The following SLC39A14 variants were observed in gnomAD, a reference collection of about 807,000 sequenced individuals.
SLC39A14 encodes the protein metal cation symporter ZIP14.
Under a neutral mutation model 45.5 loss-of-function variants are expected in SLC39A14, and 19 were observed. That is an observed-to-expected ratio of 0.42 (90% CI 0.29 to 0.61). The LOEUF is 0.61. Ranked by LOEUF, SLC39A14 falls within the 20% of genes least tolerant of loss-of-function variation. The probability of loss-of-function intolerance (pLI) is 0.22; values close to 1 mark genes in which losing one functional copy is unlikely to be tolerated. For synonymous variants in SLC39A14, 264 were observed against 251.3 expected, an observed-to-expected ratio of 1.05 and a Z score of -0.48; for missense variants, 447 against 616.5, an observed-to-expected ratio of 0.73 and a Z score of 2.91.
intron 1 of SLC39A14, among the ~76,000 whole-genome samples, chr8:22,391,458 G>A (rs1834066059): frequency 6.6e-6 from 1 of 152,200 alleles, no homozygotes; most frequent in African/African-American, 2.4e-5. Context: ...TTACTCTAGA[G>A]AAGTGCATAA....
chr8:22,382,354 C>T (rs1003978437), intron 1 of SLC39A14, among the ~76,000 whole-genome samples: 4 of 152,102 alleles, frequency 2.6e-5, no homozygotes, highest in African/African-American at 9.7e-5. Context: ...GGCACTCATA[C>T]ACAGGTAGTG....
At chr8:22,377,874 A>C (rs141543458) in intron 1 of SLC39A14, among the ~76,000 whole-genome samples, 1 of 152,200 alleles carries the variant, frequency 6.6e-6, no homozygotes, top group Non-Finnish European at 1.5e-5. Context: ...CTTGATCAGC[A>C]TCTTACCTGC....
At chr8:22,429,190 T>C (rs1836432273) in intron 8 of SLC39A14, among the ~76,000 whole-genome samples, 1 of 152,080 alleles carries the variant, frequency 6.6e-6, no homozygotes, top group Non-Finnish European at 1.5e-5. Context: ...GAGAATGGCA[T>C]GAACCCGGGA....
chr8:22,411,723 C>T (rs1038191377), intron 3 of SLC39A14, among the ~76,000 whole-genome samples: 6 of 152,180 alleles, frequency 3.9e-5, no homozygotes, highest in Non-Finnish European at 5.9e-5. Context: ...CTGGCAGGAA[C>T]GATTTGGGGC....
In SLC39A14 at chr8:22,408,394, C is replaced by A; in HGVS notation, c.355C>A (p.Pro119Thr). Residue 119 changes from proline (P) to threonine (T), a missense_variant, in exon 3 of 9, where the codon CCC (proline) becomes ACC (threonine). Pro to Thr is a conservative substitution (Grantham distance 38, BLOSUM62 -1). This residue lies in a region of SLC39A14 where 342 missense variants were observed against 428.1 expected (regional missense o/e 0.80). Transcript: ENST00000381237. ...IGSSELQEFC[P>T]TILQQLDSRA... is the part of the protein sequence containing the mutation. ...GAGCAGCGAGCTCCAGGAGTTCTGC[C>A]CCACCATCCTCCAGCAGCTGGATTC... 6.2e-7 allele frequency: 1 copy of A among 1,614,224 alleles called. No homozygotes were observed. The highest frequency in any genetic ancestry group is 8.5e-7 in the Non-Finnish European group (1 of 1,180,038).
chr8:22,425,680 G>A (rs1836372053), downstream of SLC39A14, among the ~76,000 whole-genome samples: 2 of 152,070 alleles, frequency 1.3e-5, no homozygotes, highest in Admixed American at 1.3e-4. Flanking sequence ...CTTGCCAGAT[G>A]TCTTTTCAGG....
intron 8 of SLC39A14, among the ~76,000 whole-genome samples, chr8:22,433,475 G>T (rs939552238): frequency 2.0e-5 from 3 of 151,236 alleles, no homozygotes; most frequent in African/African-American, 7.3e-5. Flanking sequence ...TCCTGCCTCA[G>T]CCTCCCAAGC....
At position 22,414,973 on chromosome 8, in the gene SLC39A14, G is replaced by T. The variant is rs186621764; in HGVS notation, c.750+71G>T. The T allele has an allele frequency of 3.9e-5, 59 of 1,503,238 alleles. No homozygotes were observed. The Middle Eastern group carries it at 6.8e-4, about 17-fold the overall frequency. The allele number at this position is 1,503,238 out of a possible 1,614,324, so 93.1% of individuals were successfully genotyped here. ...CCATCTCAAACAATGTTGATGTATTGTGGTGGTGGTGGTGATGGTCTTAGC... is the reference window on the plus strand; with the variant it reads ...CCATCTCAAACAATGTTGATGTATTTTGGTGGTGGTGGTGATGGTCTTAGC... On this transcript the variant is annotated intron_variant, in intron 5 of 8. Coordinates refer to ENST00000381237, the MANE Select transcript of SLC39A14 (RefSeq NM_001128431.4).
At position 22,367,510 on chromosome 8, in the gene SLC39A14, G is replaced by T. The variant is rs916500769; in HGVS notation, c.-16+102G>T. ...GGGGGCGGGGACAGCCCTGCGCCGAGGACCGGGCGCCGCTCCCGGGCACCG... is the reference window on the plus strand; with the variant it reads ...GGGGGCGGGGACAGCCCTGCGCCGATGACCGGGCGCCGCTCCCGGGCACCG... On this transcript the variant is annotated intron_variant, in intron 1 of 8. Transcript: ENST00000381237. This position sits in a 1 kb window ranked among gnomAD's most constrained non-coding sequence, Gnocchi z 4.2. 2 of 152,244 alleles carry T rather than the reference G, an allele frequency of 1.3e-5. No individual in the cohort carries two copies. The highest frequency in any genetic ancestry group is 2.9e-5 in the Non-Finnish European group (2 of 68,126). 9.4% of individuals were successfully genotyped at this position (152,244 alleles called of 1,614,324 possible).
At chr8:22,426,269 C>A (rs372995040), downstream of SLC39A14, among the ~76,000 whole-genome samples, 8 of 152,172 alleles carry the variant, frequency 5.3e-5, no homozygotes, top group East Asian at 1.5e-3. Flanking sequence ...GATCATGGCT[C>A]GCTGCAGCCT....
Position 22,404,988 on chromosome 8 carries a change from T to C in SLC39A14, c.270+8T>C, listed in dbSNP as rs1227926195. On this transcript the variant is annotated splice_region_variant and intron_variant, in intron 2 of 8. Transcript: ENST00000381237. Reference sequence around the variant, plus strand: ...CACAGGAACCTCTCCACGGTAAGGCTCCCCTGTGAGCCAGCAGCTCTGCTC... The same window carrying C: ...CACAGGAACCTCTCCACGGTAAGGCCCCCCTGTGAGCCAGCAGCTCTGCTC... The C allele has an allele frequency of 6.2e-7, 1 of 1,611,120 alleles. No individual in the cohort carries two copies. The highest frequency in any genetic ancestry group is 8.5e-7 in the Non-Finnish European group (1 of 1,178,410).
intron 4 of SLC39A14, 131 bp from the exon 5 acceptor site, chr8:22,414,649 G>C (rs1210623121): frequency 1.4e-5 from 13 of 930,062 alleles, no homozygotes; most frequent in Non-Finnish European, 1.7e-5. Context: ...AAGAGGATGG[G>C]TAGACGGCAG....
downstream of SLC39A14, among the ~76,000 whole-genome samples, chr8:22,424,128 G>A (rs114666807): frequency 4.1e-3 from 618 of 152,206 alleles, 4 homozygotes; most frequent in African/African-American, 0.014. Context: ...TGATCTCACT[G>A]TGTTGCATGA....
chr8:22,425,883 G>GTTTTTTTTTTTTTTTT (rs72023394), downstream of SLC39A14, among the ~76,000 whole-genome samples: 1 of 140,862 alleles, frequency 7.1e-6, no homozygotes, highest in Non-Finnish European at 1.5e-5. Context: ...GCTCTAGATG[G>GTTTTTTTTTTTTTTTT]TTTTTGTTTT....
chr8:22,381,461 G>T (rs989431446), intron 1 of SLC39A14, among the ~76,000 whole-genome samples: 3 of 151,170 alleles, frequency 2.0e-5, no homozygotes, highest in African/African-American at 2.4e-5. Context: ...TAGTAGAGAT[G>T]GGGTTTCACC....
chr8:22,391,406 T>G (rs1834063383), intron 1 of SLC39A14, among the ~76,000 whole-genome samples: 1 of 152,166 alleles, frequency 6.6e-6, no homozygotes, highest in Non-Finnish European at 1.5e-5. Context: ...TGCTAGCTTT[T>G]AGTTCAATTA....
Position 22,421,388 on chromosome 8 carries a change from G to A in SLC39A14, c.*1690G>A. On this transcript the variant is annotated 3_prime_UTR_variant, in exon 9 of 9. Transcript: ENST00000381237. ...AAACTGCTGGTGATACTTTTTTTAA[G>A]TTTTGTTTTTATCTTGCCTGTTGGC... is the stretch of plus-strand genomic sequence containing the variant. The A allele has an allele frequency of 1.0e-6, 1 of 985,770 alleles. No homozygotes were observed. The highest frequency in any genetic ancestry group is 4.7e-5 in the South Asian group (1 of 21,284). The allele number at this position is 985,770 out of a possible 1,614,324, so 61.1% of individuals were successfully genotyped here. A position where few individuals can be genotyped will look rare whatever the true frequency, so the allele number is the denominator to read the frequency against.
chr8:22,388,033 G>A (rs1176998847), intron 1 of SLC39A14, among the ~76,000 whole-genome samples: 1 of 152,186 alleles, frequency 6.6e-6, no homozygotes, highest in Admixed American at 6.5e-5. Flanking sequence ...GCGTTTGCAC[G>A]GTGAGTGTGT....
chr8:22,401,547 T>TTTTTC (rs1834863400), intron 1 of SLC39A14, among the ~76,000 whole-genome samples: 1 of 127,602 alleles, frequency 7.8e-6, no homozygotes, highest in Non-Finnish European at 1.6e-5. Flanking sequence ...CTCTTTCTTT[T>TTTTTC]TTTTTTTTTT....
Sources: allele counts gnomAD v4.1 joint callset (sites outside exome capture counted in the v4.1 genomes callset), GRCh38; gene constraint gnomAD v4.1.1; regional missense constraint gnomAD v4.1.1; non-coding constraint Gnocchi (gnomAD v3.1); transcripts MANE v1.5; gene names NCBI Gene and HGNC (gene_info 2026-07-23, HGNC 2026-07-21).